The following DENND2C variants were observed in gnomAD, a reference collection of about 807,000 sequenced individuals.
DENND2C encodes DENN domain-containing protein 2C.
In DENND2C, 72 loss-of-function variants were observed where a neutral mutation model predicts 112.4. The observed-to-expected ratio is 0.64, with a 90% CI of 0.53 to 0.78. The LOEUF is 0.78. DENND2C is among the 30% of genes least tolerant of loss of function. The pLI, the probability that DENND2C is intolerant of heterozygous loss-of-function variation, is 0.00. For missense variants in DENND2C, 992 were observed against 1,113.8 expected (o/e 0.89, Z 1.56); for synonymous variants, 329 against 381.6 (o/e 0.86, Z 1.61).
intron 3 of DENND2C, among the ~76,000 whole-genome samples, chr1:114,630,872 G>A (rs1656471252): frequency 6.6e-6 from 1 of 152,190 alleles, no homozygotes; most frequent in African/African-American, 2.4e-5. Flanking sequence ...TCCAACAACA[G>A]AGGAGCAACC....
At chr1:114,590,711 G>A (rs550582349) in intron 18 of DENND2C, among the ~76,000 whole-genome samples, 3 of 150,404 alleles carry the variant, frequency 2.0e-5, no homozygotes, top group African/African-American at 7.3e-5. Context: ...CCCGGAGGGT[G>A]GAGCCTGCAG....
At chr1:114,600,560 A>G (rs1018347002) in intron 14 of DENND2C, among the ~76,000 whole-genome samples, 1 of 152,174 alleles carries the variant, frequency 6.6e-6, no homozygotes, top group African/African-American at 2.4e-5. Flanking sequence ...ACAATAGTAT[A>G]TACAGTCTTC....
intron 1 of DENND2C, among the ~76,000 whole-genome samples, chr1:114,659,292 G>A (rs933212245): frequency 2.0e-5 from 3 of 152,094 alleles, no homozygotes; most frequent in Non-Finnish European, 4.4e-5. Flanking sequence ...CTTGCGGTCA[G>A]GAGTTCGAGA....
At chr1:114,648,863 T>C (rs972832109) in intron 2 of DENND2C, among the ~76,000 whole-genome samples, 4 of 152,238 alleles carry the variant, frequency 2.6e-5, no homozygotes, top group African/African-American at 9.6e-5. Context: ...TAAAACTAAC[T>C]TTAATAACAT....
intron 15 of DENND2C, among the ~76,000 whole-genome samples, chr1:114,599,986 G>C (rs139577157): frequency 0.011 from 1,681 of 149,278 alleles, 26 homozygotes; most frequent in African/African-American, 0.039. Flanking sequence ...GGGATGGGGG[G>C]AGGGCTAGCA....
In DENND2C at chr1:114,626,098, C is replaced by A. The variant is rs1656335284; in HGVS notation, c.-114G>T. The A allele has an allele frequency of 2.6e-6, 3 of 1,137,652 alleles. No homozygotes were observed. Among genetic ancestry groups the A allele is most frequent in the African/African-American group, 3.1e-5 (2 of 64,534 alleles). The allele number at this position is 1,137,652 out of a possible 1,614,324, so 70.5% of individuals were successfully genotyped here. A position where few individuals can be genotyped will look rare whatever the true frequency, so the allele number is the denominator to read the frequency against. On this transcript the variant is annotated 5_prime_UTR_variant, in exon 4 of 21. It adds an upstream start codon to the 5' untranslated region. Coordinates refer to ENST00000393274, the MANE Select transcript of DENND2C (RefSeq NM_001256404.2). ...AATCCAAATGATTCCAGTATTTTCCCTTCATGTTTAACTTGTAAATCTCTT... is the reference window on the plus strand; with the variant it reads ...AATCCAAATGATTCCAGTATTTTCCATTCATGTTTAACTTGTAAATCTCTT...
At chr1:114,644,949 T>C (rs1184311691) in intron 3 of DENND2C, among the ~76,000 whole-genome samples, 1 of 152,144 alleles carries the variant, frequency 6.6e-6, no homozygotes, top group Non-Finnish European at 1.5e-5. Context: ...TTATAAAGCA[T>C]ACTGAAACTA....
rs116799711 is a variant in DENND2C, at chr1:114,641,920, C to T, written c.-205+3528G>A. On this transcript the variant is annotated intron_variant, in intron 3 of 20. Coordinates refer to ENST00000393274, the MANE Select transcript of DENND2C (RefSeq NM_001256404.2). Reference sequence around the variant, plus strand: ...ATAATTTTGCCACTAAACTAGTTTCCGGTATATATCATATATATACACACA... The same window carrying T: ...ATAATTTTGCCACTAAACTAGTTTCTGGTATATATCATATATATACACACA... 7.9e-3 allele frequency among the ~76,000 whole-genome samples: 1,202 copies of T among 151,822 alleles called. 9 individuals carry two copies. Among genetic ancestry groups the T allele is most frequent in the South Asian group, 0.027 (129 of 4,800 alleles).
At chr1:114,633,057 A>G (rs1230846758) in intron 3 of DENND2C, among the ~76,000 whole-genome samples, 1 of 152,216 alleles carries the variant, frequency 6.6e-6, no homozygotes, top group Non-Finnish European at 1.5e-5. Context: ...GAAATTTACA[A>G]CAATGTGGAA....
chr1:114,604,738 G>A (rs1277162398), intron 11 of DENND2C, among the ~76,000 whole-genome samples, 184 bp downstream of exon 11: 1 of 150,544 alleles, frequency 6.6e-6, no homozygotes, highest in African/African-American at 2.4e-5. Flanking sequence ...ATTATTCCAC[G>A]TTTTTATTTT....
In DENND2C at chr1:114,654,493, G is replaced by C. The variant is rs760887280; in HGVS notation, c.-317+12C>G. 4 of 152,072 alleles carry C rather than the reference G, an allele frequency of 2.6e-5. No homozygotes were observed. Among genetic ancestry groups the C allele is most frequent in the Non-Finnish European group, 4.4e-5 (3 of 68,008 alleles). The allele number at this position is 152,072 out of a possible 1,614,324, so 9.4% of individuals were successfully genotyped here. On this transcript the variant is annotated intron_variant, in intron 2 of 20. Transcript: ENST00000393274. The stretch of plus-strand genomic sequence containing the variant: ...ACTTTTATAGCATTTGTTTCAAAAG[G>C]AGATAACTTACTTTTTAAAGATTCA...
rs1228429128 is a variant in DENND2C at position 114,625,884 on chromosome 1, C to T, written c.101G>A (p.Gly34Asp). 2 of 1,614,050 alleles carry T rather than the reference C, an allele frequency of 1.2e-6. No individual in the cohort carries two copies. The highest frequency in any genetic ancestry group is 4.5e-5 in the East Asian group (2 of 44,858). Residue 34 changes from glycine (G) to aspartate (D), a missense_variant, in exon 4 of 21, where the codon GGT becomes GAT. Around this residue, in one of 3 missense-constraint regions of DENND2C, gnomAD observed 470 missense variants for 472.7 expected, o/e 0.99. Transcript: ENST00000393274. ...KISQWEGRAN[G>D]ISNPEKWCPK... The stretch of plus-strand genomic sequence containing the variant: ...ACACCACTTTTCTGGATTAGATATA[C>T]CATTAGCCCTTCCTTCCCATTGAGA...
intron 1 of DENND2C, among the ~76,000 whole-genome samples, chr1:114,659,594 A>G (rs7553926): frequency 0.43 from 66,081 of 152,086 alleles, 14,756 homozygotes; most frequent in East Asian, 0.52. Flanking sequence ...GTCATTTGTC[A>G]TAACAATGTC....
chr1:114,652,495 A>T (rs1284500032), intron 2 of DENND2C, among the ~76,000 whole-genome samples: 1 of 151,788 alleles, frequency 6.6e-6, no homozygotes, highest in East Asian at 2.0e-4. Flanking sequence ...TCATTTTCTG[A>T]CCATTTGAAC....
chr1:114,614,225 C>G (rs1292725630), intron 8 of DENND2C, among the ~76,000 whole-genome samples: 3 of 133,828 alleles, frequency 2.2e-5, no homozygotes, highest in Non-Finnish European at 4.6e-5. Context: ...GAGTGAGACT[C>G]TGTCTTGAAA....
At chr1:114,618,874 G>GAGGT (rs1292779418) in intron 7 of DENND2C, among the ~76,000 whole-genome samples, 2 of 152,180 alleles carry the variant, frequency 1.3e-5, no homozygotes, top group Non-Finnish European at 2.9e-5. Flanking sequence ...AAGGCAGGGT[G>GAGGT]AGGTATAGTT....
chr1:114,648,875 A>T (rs191738645), intron 2 of DENND2C, among the ~76,000 whole-genome samples: 1 of 152,244 alleles, frequency 6.6e-6, no homozygotes, highest in African/African-American at 2.4e-5. Context: ...TAATAACATT[A>T]AGCTTTTAGA....
chr1:114,652,331 C>T (rs576066394), intron 2 of DENND2C, among the ~76,000 whole-genome samples: 1 of 152,248 alleles, frequency 6.6e-6, no homozygotes, highest in East Asian at 1.9e-4. Context: ...CATCTATATA[C>T]AAGCCCTCCC....
At chr1:114,623,445 C>T in intron 5 of DENND2C, 62 bp downstream of exon 5, 3 of 1,508,728 alleles carry the variant, frequency 2.0e-6, no homozygotes, top group Non-Finnish European at 2.7e-6. Flanking sequence ...TACCATCCTA[C>T]AATTAAGGGC....
Sources: gnomAD v4.1 joint callset for allele counts (sites outside exome capture counted in the v4.1 genomes callset) on GRCh38, gnomAD v4.1.1 for gene constraint, gnomAD v4.1.1 regional missense constraint, MANE v1.5 for transcripts, NCBI Gene and HGNC (gene_info 2026-07-23, HGNC 2026-07-21) for gene names.